The following NCKAP5 variants were observed in gnomAD, a reference collection of about 807,000 sequenced individuals.
NCKAP5 encodes the protein nck-associated protein 5.
A neutral mutation model predicts 167.0 loss-of-function variants in NCKAP5; 92 were observed. The ratio of observed to expected loss-of-function variants is 0.55; its 90% CI spans 0.47 to 0.66. The LOEUF is 0.66. Among genes scored for constraint, NCKAP5 ranks in the 30% least tolerant of loss-of-function variants. The pLI is 0.00. For synonymous variants in NCKAP5, 891 were observed against 877.4 expected, an observed-to-expected ratio of 1.02 and a Z score of -0.27; for missense variants, 2,378 against 2,315.0, an observed-to-expected ratio of 1.03 and a Z score of -0.56.
intron 6 of NCKAP5, among the ~76,000 whole-genome samples, chr2:133,065,552 G>A (rs1218029126): frequency 6.6e-6 from 1 of 152,200 alleles, no homozygotes; most frequent in African/African-American, 2.4e-5. Context: ...CTGAACCCGG[G>A]AGGCAGAAGT....
chr2:133,514,377 C>T (rs4954060), intron 3 of NCKAP5, among the ~76,000 whole-genome samples: 54,072 of 152,018 alleles, frequency 0.36, 10,385 homozygotes, highest in East Asian at 0.62. Context: ...CTCAAACCCT[C>T]CCCCATGCCA....
chr2:132,982,548 T>C (rs1361868101), intron 7 of NCKAP5, among the ~76,000 whole-genome samples: 2 of 152,218 alleles, frequency 1.3e-5, no homozygotes, highest in East Asian at 1.9e-4. Context: ...AGGGGATACA[T>C]GTGCAGATTT....
chr2:133,582,785 G>A, the NCKAP5 span, among the ~76,000 whole-genome samples: 1 of 152,184 alleles, frequency 6.6e-6, no homozygotes, highest in African/African-American at 2.4e-5. Context: ...TCCTGGTCCA[G>A]TCAACCTGAT....
chr2:132,990,401 T>C (rs1174448246), intron 7 of NCKAP5, among the ~76,000 whole-genome samples: 1 of 152,208 alleles, frequency 6.6e-6, no homozygotes, highest in African/African-American at 2.4e-5. Flanking sequence ...CTTAGACCAA[T>C]ATCTTCTGGG....
At chr2:133,567,543 A>G (rs1688639077) in intron 1 of NCKAP5, among the ~76,000 whole-genome samples, 1 of 152,218 alleles carries the variant, frequency 6.6e-6, no homozygotes, top group Non-Finnish European at 1.5e-5. Context: ...CTCAGAAGAC[A>G]AGTCAGAACA....
chr2:132,851,728 C>T (rs562178192), intron 11 of NCKAP5, among the ~76,000 whole-genome samples: 10 of 152,258 alleles, frequency 6.6e-5, no homozygotes, highest in East Asian at 5.8e-4. Flanking sequence ...TCCTGCAGCC[C>T]GACAGGTTAA....
intron 11 of NCKAP5, among the ~76,000 whole-genome samples, chr2:132,811,310 T>C (rs920317750): frequency 1.3e-5 from 2 of 152,152 alleles, no homozygotes; most frequent in Non-Finnish European, 2.9e-5. Flanking sequence ...GGACCAGCTG[T>C]GGGCGGGGCC....
At chr2:133,397,668 G>C (rs747101478) in intron 3 of NCKAP5, among the ~76,000 whole-genome samples, 11 of 152,146 alleles carry the variant, frequency 7.2e-5, no homozygotes, top group Non-Finnish European at 1.6e-4. Flanking sequence ...GAGTGCACAG[G>C]GTGTCCCCAA....
chr2:133,356,219 G>A (rs1297064536), intron 3 of NCKAP5, among the ~76,000 whole-genome samples: 7 of 152,118 alleles, frequency 4.6e-5, no homozygotes, highest in East Asian at 1.9e-4. Flanking sequence ...GAGCCACCTC[G>A]CCCAACTAGA....
At chr2:133,600,884 G>C in the NCKAP5 span, among the ~76,000 whole-genome samples, 2 of 152,192 alleles carry the variant, frequency 1.3e-5, no homozygotes, top group African/African-American at 4.8e-5. Flanking sequence ...CTTCTTTCCT[G>C]TAAGTCAACC....
intron 8 of NCKAP5, among the ~76,000 whole-genome samples, chr2:132,910,855 GA>G (rs1183892440): frequency 1.3e-5 from 2 of 152,174 alleles, no homozygotes; most frequent in Non-Finnish European, 2.9e-5. Context: ...GGCCAAAGAA[GA>G]CTCATCCATT....
At chr2:133,464,478 A>T (rs1011610547) in intron 3 of NCKAP5, among the ~76,000 whole-genome samples, 8 of 152,282 alleles carry the variant, frequency 5.3e-5, no homozygotes, top group African/African-American at 1.9e-4. Context: ...TCATGAGGTC[A>T]GGAGATTGAG....
rs553092387 is a variant in NCKAP5, at chr2:132,922,155, G to C, written c.579+41565C>G. 6.6e-5 allele frequency among the ~76,000 whole-genome samples: 10 copies of C among 152,310 alleles called. No individual in the cohort carries two copies. In the South Asian group the frequency reaches 2.1e-3, roughly 32 times the overall value. On this transcript the variant is annotated intron_variant, in intron 8 of 19. Coordinates refer to ENST00000409261, the MANE Select transcript of NCKAP5 (RefSeq NM_207363.3). ...CTGAGTAAATACACTGCCAGAACCA[G>C]TGTGAGTTAGGTTTTCTGCCATTTG...
chr2:133,330,244 A>ATTTTTTTTTTTTTTTTTTT (rs765058418), intron 3 of NCKAP5, among the ~76,000 whole-genome samples: 1 of 88,168 alleles, frequency 1.1e-5, no homozygotes, highest in Non-Finnish European at 2.1e-5. Flanking sequence ...TATTTTTTGT[A>ATTTTTTTTTTTTTTTTTTT]TTTTTTTTTT....
intron 4 of NCKAP5, 27 bp from the exon 5 acceptor site, chr2:133,213,806 T>G: frequency 6.2e-7 from 1 of 1,612,304 alleles, no homozygotes; most frequent in East Asian, 2.2e-5. Flanking sequence ...ACATGATTAG[T>G]TGACCATTCT....
chr2:133,638,392 T>C, the NCKAP5 span, among the ~76,000 whole-genome samples: 2 of 152,150 alleles, frequency 1.3e-5, no homozygotes, highest in African/African-American at 4.8e-5. Context: ...TAAGCACGCA[T>C]ATAAAAATGT....
At chr2:133,627,714 CT>C in the NCKAP5 span, among the ~76,000 whole-genome samples, 2 of 152,028 alleles carry the variant, frequency 1.3e-5, no homozygotes, top group East Asian at 1.9e-4. Flanking sequence ...AAGAAAGAAA[CT>C]TTTTTTTAAG....
intron 6 of NCKAP5, among the ~76,000 whole-genome samples, chr2:133,097,758 C>A (rs1445836160): frequency 6.6e-6 from 1 of 152,170 alleles, no homozygotes; most frequent in Non-Finnish European, 1.5e-5. Flanking sequence ...TATGAACCCA[C>A]CTTGCCCTAG....
chr2:133,252,859 C>A (rs544303444), intron 4 of NCKAP5, among the ~76,000 whole-genome samples: 113 of 152,280 alleles, frequency 7.4e-4, no homozygotes, highest in Middle Eastern at 3.4e-3. Flanking sequence ...TTCCAATGTC[C>A]AGAATAATAT....
Sources: allele counts gnomAD v4.1 joint callset (sites outside exome capture counted in the v4.1 genomes callset), GRCh38; gene constraint gnomAD v4.1.1; transcripts MANE v1.5; gene names NCBI Gene and HGNC (gene_info 2026-07-23, HGNC 2026-07-21).